The following CCDC180 variants were observed in gnomAD, a reference collection of about 807,000 sequenced individuals.
CCDC180 encodes coiled-coil domain containing 180.
A neutral mutation model predicts 209.2 loss-of-function variants in CCDC180; 154 were observed. The ratio of observed to expected loss-of-function variants is 0.74; its 90% CI spans 0.65 to 0.84. The LOEUF (loss-of-function observed/expected upper bound fraction) is 0.84, where lower values mean the gene tolerates loss of function less well. Among genes scored for constraint, CCDC180 ranks in the 40% least tolerant of loss-of-function variants. The pLI is 0.00. For missense variants in CCDC180, 1,874 were observed against 1,997.3 expected (o/e 0.94, Z 1.18); for synonymous variants, 778 against 749.1 (o/e 1.04, Z -0.63).
At position 97,323,782 on chromosome 9, in the gene CCDC180, A is replaced by G. The variant is rs1394292929; in HGVS notation, c.1250A>G (p.Lys417Arg). ...ECLMHVQNCK[K>R]QLLDWKAFTE... ...TCTGCCTTGTCCCACACACTCCAGA[A>G]GCAGCTGCTGGACTGGAAAGCCTTC... The change falls in exon 13 of 37, where the codon AAG (lysine) becomes AGG (arginine). Residue 417 changes from lysine (K) to arginine (R), a missense_variant and splice_region_variant. Physicochemically the swap from Lys to Arg is conservative, Grantham distance 26 (BLOSUM62 2). Transcript: ENST00000529487. The G allele has an allele frequency of 1.3e-6, 2 of 1,558,164 alleles. No individual in the cohort carries two copies. Among genetic ancestry groups the G allele is most frequent in the Non-Finnish European group, 1.7e-6 (2 of 1,150,206 alleles).
At chr9:97,349,073 G>A (rs1387426778) in intron 20 of CCDC180, 38 bp from the exon 21 acceptor site, 21 of 1,520,396 alleles carry the variant, frequency 1.4e-5, no homozygotes, top group East Asian at 4.9e-5. Flanking sequence ...GAGGTGAATC[G>A]GGTCCCCGGG....
intron 9 of CCDC180, 35 bp downstream of exon 9, chr9:97,317,263 A>T (rs1587785168): frequency 6.7e-7 from 1 of 1,485,836 alleles, no homozygotes; most frequent in South Asian, 1.3e-5. Flanking sequence ...TCTCCAGCCC[A>T]CCAGGGGGGC....
At chr9:97,349,313 C>T in intron 21 of CCDC180, 22 bp downstream of exon 21, 1 of 1,527,190 alleles carries the variant, frequency 6.5e-7, no homozygotes, top group Non-Finnish European at 8.8e-7. Context: ...TGGGAGTCTC[C>T]ACCCCAGCCA....
rs147885690 is a variant in CCDC180, at chr9:97,366,628, G to T, written c.4117G>T (p.Ala1373Ser). 60 of 1,614,166 alleles carry T rather than the reference G, an allele frequency of 3.7e-5. No individual in the cohort carries two copies. The highest frequency in any genetic ancestry group is 5.1e-5 in the Non-Finnish European group (60 of 1,180,030). ...DCMCDTFDQC[A>S]ENISKKILEY... The stretch of plus-strand genomic sequence containing the variant: ...CATGTGTGACACCTTTGACCAGTGC[G>T]CCGAGAACATTAGCAAAAAGATCCT... The change falls in exon 31 of 37, where the codon GCC becomes TCC. Residue 1373 changes from alanine (A) to serine (S), a missense_variant. Physicochemically the swap from Ala to Ser is moderately conservative, Grantham distance 99. Transcript: ENST00000529487. The surrounding 1 kb of genome is among the most constrained non-coding windows in gnomAD (Gnocchi z 4.3).
intron 3 of CCDC180, 125 bp from the exon 4 acceptor site, chr9:97,311,988 G>A (rs770750342): frequency 5.2e-6 from 4 of 775,222 alleles, no homozygotes; most frequent in Admixed American, 2.0e-5. Context: ...GAATTGGGGT[G>A]TGCCTGGTCC....
At chr9:97,346,337 T>G (rs962436057) in intron 19 of CCDC180, among the ~76,000 whole-genome samples, 11 of 152,248 alleles carry the variant, frequency 7.2e-5, no homozygotes, top group African/African-American at 2.7e-4. Context: ...ATAAGACATC[T>G]GCTGCGATGT....
chr9:97,320,110 G>C lies in CCDC180; in HGVS notation c.1080-16G>C. On this transcript the variant is annotated splice_polypyrimidine_tract_variant and intron_variant, in intron 10 of 36. Transcript: ENST00000529487. ...TTTGTTCCTGTGTGGCTTACTTGCT[G>C]TATCTTCCTTCCCAGTGACCTCCTG... 1 of 1,611,746 alleles carries C rather than the reference G, an allele frequency of 6.2e-7. No individual in the cohort carries two copies. Among genetic ancestry groups the C allele is most frequent in the Non-Finnish European group, 8.5e-7 (1 of 1,177,892 alleles).
chr9:97,340,182 C>G (rs754648110), intron 18 of CCDC180, among the ~76,000 whole-genome samples: 7 of 152,178 alleles, frequency 4.6e-5, no homozygotes, highest in African/African-American at 7.2e-5. Context: ...AAGTCATTCT[C>G]CATCCTGCTT....
intron 18 of CCDC180, among the ~76,000 whole-genome samples, chr9:97,333,994 T>C (rs34261612): frequency 6.6e-6 from 1 of 151,926 alleles, no homozygotes; most frequent in Non-Finnish European, 1.5e-5. Flanking sequence ...CTAATTTTTG[T>C]ATTTTTTTTT....
intron 18 of CCDC180, among the ~76,000 whole-genome samples, chr9:97,338,104 A>G (rs1360902002): frequency 1.3e-5 from 2 of 152,128 alleles, no homozygotes; most frequent in African/African-American, 4.8e-5. Flanking sequence ...GATCTTTTCA[A>G]AAAACCAGCT....
At chr9:97,314,219 G>A (rs1428182327) in intron 5 of CCDC180, among the ~76,000 whole-genome samples, 174 bp from the exon 6 acceptor site, 4 of 152,246 alleles carry the variant, frequency 2.6e-5, no homozygotes, top group Non-Finnish European at 4.4e-5. Flanking sequence ...AGGGCTCAGC[G>A]CAGAGCGTGT....
At chr9:97,357,929 C>T in intron 25 of CCDC180, 1 of 488,518 alleles carries the variant, frequency 2.0e-6, no homozygotes, top group Non-Finnish European at 3.6e-6. Flanking sequence ...TGTTCACCTC[C>T]AACCCCTCCC....
intron 18 of CCDC180, among the ~76,000 whole-genome samples, chr9:97,340,056 C>T (rs187867331): frequency 7.2e-5 from 11 of 152,272 alleles, no homozygotes; most frequent in Admixed American, 3.9e-4. Context: ...GTTAGCCATT[C>T]GTCTAATCTT....
intron 24 of CCDC180, among the ~76,000 whole-genome samples, chr9:97,356,274 G>A (rs1175808699): frequency 1.3e-5 from 2 of 152,140 alleles, no homozygotes; most frequent in East Asian, 3.9e-4. Flanking sequence ...CCGAGGTGAG[G>A]ACAGACTTGT....
Position 97,376,784 on chromosome 9 carries a change from G to T in CCDC180, c.4864G>T (p.Glu1622Ter). The T allele has an allele frequency of 6.2e-7, 1 of 1,613,436 alleles. No homozygotes were observed. The highest frequency in any genetic ancestry group is 8.5e-7 in the Non-Finnish European group (1 of 1,179,906). The part of the protein sequence containing the change: ...VYLKYLASFE[E>*]ELKRIQDDCT... ...CTAGAAATATTTAGCATCATTTGAG[G>T]AGGAGCTAAAGAGGATCCAGGATGA... The change falls in exon 37 of 37, where the codon GAG becomes TAG. Residue 1622 changes from glutamate (E) to a stop codon, truncating the protein, a stop_gained. Coordinates refer to ENST00000529487, the MANE Select transcript of CCDC180 (RefSeq NM_020893.6). LOFTEE classifies it low-confidence loss of function (END_TRUNC).
intron 10 of CCDC180, 78 bp from the exon 11 acceptor site, chr9:97,320,048 T>A (rs181311936): frequency 5.3e-5 from 56 of 1,065,038 alleles, no homozygotes; most frequent in Middle Eastern, 4.0e-4. Flanking sequence ...TGGAGCTATG[T>A]TCCTTGAAGA....
In CCDC180 at chr9:97,309,528, G is replaced by A. The variant is rs760496954; in HGVS notation, c.184G>A (p.Val62Met). 1.2e-6 allele frequency: 2 copies of A among 1,601,608 alleles called. No individual in the cohort carries two copies. The highest frequency in any genetic ancestry group is 1.7e-6 in the Non-Finnish European group (2 of 1,174,532). The change falls in exon 3 of 37, where the codon GTG (valine) becomes ATG (methionine). Residue 62 changes from valine (V) to methionine (M), a missense_variant. Coordinates refer to ENST00000529487, the MANE Select transcript of CCDC180 (RefSeq NM_020893.6). The stretch of plus-strand genomic sequence containing the variant: ...GAAGGTGGAGACTCCTGAAGGGGAG[G>A]TGATGTCTCCCCGACAGCAGAAGTG... ...MKKVETPEGE[V>M]MSPRQQKWMH...
At chr9:97,363,632 C>T in intron 28 of CCDC180, 1 of 532,872 alleles carries the variant, frequency 1.9e-6, no homozygotes, top group South Asian at 1.4e-5. Flanking sequence ...GCATGTGATA[C>T]ACTAATGCTG....
chr9:97,361,647 GGAACAT>G, intron 26 of CCDC180, 73 bp from the exon 27 acceptor site: 1 of 1,464,820 alleles, frequency 6.8e-7, no homozygotes. Context: ...AGGGTGGGAG[GGAACAT>G]GAATTCGGCC....
Sources: gnomAD v4.1 joint callset for allele counts (sites outside exome capture counted in the v4.1 genomes callset) on GRCh38, gnomAD v4.1.1 for gene constraint, Gnocchi (gnomAD v3.1) non-coding constraint, MANE v1.5 for transcripts, NCBI Gene and HGNC (gene_info 2026-07-23, HGNC 2026-07-21) for gene names.